CNBD1: variants seen among roughly 807,000 people sequenced by gnomAD.
CNBD1 encodes cyclic nucleotide-binding domain-containing protein 1.
Under a neutral mutation model 54.4 loss-of-function variants are expected in CNBD1, and 71 were observed. That is an observed-to-expected ratio of 1.30 (90% CI 1.08 to 1.59). The LOEUF (loss-of-function observed/expected upper bound fraction) is 1.59, where lower values mean the gene tolerates loss of function less well. CNBD1 is among the 40% of genes most tolerant of loss of function. The pLI is 0.00. For synonymous variants in CNBD1, 182 were observed against 170.7 expected, an observed-to-expected ratio of 1.07 and a Z score of -0.51; for missense variants, 659 against 518.0, an observed-to-expected ratio of 1.27 and a Z score of -2.64.
chr8:87,092,103 A>G (rs1438875310), intron 4 of CNBD1, among the ~76,000 whole-genome samples: 2 of 152,174 alleles, frequency 1.3e-5, no homozygotes, highest in Non-Finnish European at 2.9e-5. Context: ...GGAGGAGCAA[A>G]GACATAGCAA....
chr8:86,897,302 G>T (rs140505735), intron 2 of CNBD1, among the ~76,000 whole-genome samples: 3 of 152,174 alleles, frequency 2.0e-5, no homozygotes, highest in Admixed American at 2.0e-4. Flanking sequence ...AAACATATGG[G>T]TGTTTAATAC....
At chr8:87,323,544 A>C (rs1205391043) in intron 8 of CNBD1, among the ~76,000 whole-genome samples, 1 of 120,308 alleles carries the variant, frequency 8.3e-6, no homozygotes, top group Non-Finnish European at 1.9e-5. Context: ...ATTCCTAGGT[A>C]TTTTATTCTC....
chr8:87,037,180 T>C (rs1809967279), intron 4 of CNBD1, among the ~76,000 whole-genome samples: 1 of 152,232 alleles, frequency 6.6e-6, no homozygotes, highest in African/African-American at 2.4e-5. Context: ...AGGTTCCAGG[T>C]TGCTTTTCTG....
intron 4 of CNBD1, among the ~76,000 whole-genome samples, chr8:87,191,134 C>G (rs1021874110): frequency 6.6e-6 from 1 of 151,738 alleles, no homozygotes; most frequent in East Asian, 1.9e-4. Flanking sequence ...CTGAAAACCT[C>G]AAAACCAGGA....
chr8:86,997,410 G>T (rs1400046133), intron 4 of CNBD1, among the ~76,000 whole-genome samples: 1 of 152,152 alleles, frequency 6.6e-6, no homozygotes, highest in East Asian at 1.9e-4. Flanking sequence ...GCCTTGGAAA[G>T]GTAATTAGAC....
At chr8:86,970,042 C>T (rs1432492085) in intron 4 of CNBD1, among the ~76,000 whole-genome samples, 4 of 151,686 alleles carry the variant, frequency 2.6e-5, no homozygotes, top group African/African-American at 2.4e-5. Context: ...ATTTTCTTTT[C>T]ATTCTTGAAT....
intron 2 of CNBD1, among the ~76,000 whole-genome samples, chr8:87,395,796 T>C (rs904619328): frequency 1.3e-5 from 2 of 151,870 alleles, no homozygotes; most frequent in African/African-American, 2.4e-5. Flanking sequence ...GGGAGGGACC[T>C]GGTGAGAGAT....
intron 4 of CNBD1, among the ~76,000 whole-genome samples, chr8:87,072,183 A>G (rs1318288076): frequency 3.3e-5 from 5 of 151,400 alleles, no homozygotes; most frequent in Non-Finnish European, 5.9e-5. Flanking sequence ...CCATTCCTTT[A>G]TTTTGAACCT....
At chr8:87,076,072 G>A (rs923630953) in intron 4 of CNBD1, among the ~76,000 whole-genome samples, 1 of 152,182 alleles carries the variant, frequency 6.6e-6, no homozygotes, top group Admixed American at 6.5e-5. Context: ...TTTCAATTAT[G>A]TTTCTGAAAT....
chr8:86,973,938 G>T (rs1808281314), intron 4 of CNBD1, among the ~76,000 whole-genome samples: 1 of 151,900 alleles, frequency 6.6e-6, no homozygotes, highest in Non-Finnish European at 1.5e-5. Flanking sequence ...AAAGAGTAAG[G>T]CATTAATAAA....
chr8:87,400,998 G>A (rs982727041), intron 2 of CNBD1, among the ~76,000 whole-genome samples: 4 of 151,942 alleles, frequency 2.6e-5, no homozygotes, highest in Admixed American at 2.0e-4. Flanking sequence ...TGGGATTGAG[G>A]CTAAAGGACA....
intron 4 of CNBD1, among the ~76,000 whole-genome samples, chr8:87,170,910 T>A (rs538481570): frequency 1.3e-5 from 2 of 152,272 alleles, no homozygotes; most frequent in East Asian, 3.9e-4. Flanking sequence ...TTGAATTTGG[T>A]TTGCTAGTAT....
chr8:87,337,182 G>C (rs1440342898), intron 8 of CNBD1, among the ~76,000 whole-genome samples: 1 of 152,148 alleles, frequency 6.6e-6, no homozygotes. Flanking sequence ...CAGCTTGGTG[G>C]GATGGGAAGA....
intron 4 of CNBD1, among the ~76,000 whole-genome samples, chr8:86,995,100 G>C (rs747778215): frequency 6.6e-6 from 1 of 152,156 alleles, no homozygotes; most frequent in Non-Finnish European, 1.5e-5. Context: ...ATAAAGCTTG[G>C]TGGGGATGCA....
rs562238595 is a variant in CNBD1, at chr8:87,051,959, A to G, written c.431+112205A>G. Among the ~76,000 whole-genome samples, 4 of 152,164 alleles carry G rather than the reference A, an allele frequency of 2.6e-5. No homozygotes were observed. In the South Asian group the frequency reaches 8.3e-4, roughly 31 times the overall value. On this transcript the variant is annotated intron_variant, in intron 4 of 10. Transcript: ENST00000518476. ...AGACTGGCCTTGGACTTGGTGATTT[A>G]TGCCTCCAGGGACAGTCCAACCTCC...
chr8:87,397,984 T>A (rs1471926436), intron 2 of CNBD1, among the ~76,000 whole-genome samples: 2 of 151,894 alleles, frequency 1.3e-5, no homozygotes, highest in African/African-American at 2.4e-5. Flanking sequence ...TTATGAGGCC[T>A]CCCCAGCCAT....
chr8:87,209,686 A>G (rs1014093619), intron 5 of CNBD1, among the ~76,000 whole-genome samples: 3 of 152,196 alleles, frequency 2.0e-5, no homozygotes, highest in African/African-American at 7.2e-5. Context: ...TTAAATTCAT[A>G]TGGAACCACA....
chr8:87,266,438 CTTTTTTTTTTTT>C (rs72293236), intron 6 of CNBD1, among the ~76,000 whole-genome samples: 22 of 50,120 alleles, frequency 4.4e-4, no homozygotes, highest in Non-Finnish European at 6.3e-4. Context: ...AAAAAAAAAT[CTTTTTTTTTTTT>C]TTTTTTTTTT....
intron 2 of CNBD1, among the ~76,000 whole-genome samples, chr8:86,890,910 G>C (rs1173842027): frequency 6.6e-6 from 1 of 151,504 alleles, no homozygotes; most frequent in Admixed American, 6.6e-5. Flanking sequence ...TGGTAAAGTA[G>C]GTGTTCAAAA....
Sources: gnomAD v4.1 joint callset for allele counts (sites outside exome capture counted in the v4.1 genomes callset) on GRCh38, gnomAD v4.1.1 for gene constraint, MANE v1.5 for transcripts, NCBI Gene and HGNC (gene_info 2026-07-23, HGNC 2026-07-21) for gene names.